Variants in NPTN observed in about 807,000 individuals in gnomAD.
NPTN encodes neuroplastin.
NPTN carries 5 observed loss-of-function variants against 42.7 expected under a neutral mutation model. That is an observed-to-expected ratio of 0.12 (90% CI 0.06 to 0.25). The LOEUF is 0.25. Ranked by LOEUF, NPTN falls within the 10% of genes least tolerant of loss-of-function variation. NPTN has a pLI of 1.00. For missense variants in NPTN, 307 were observed against 525.4 expected (o/e 0.58, Z 4.06); for synonymous variants, 180 against 201.9 (o/e 0.89, Z 0.92).
Position 73,561,962 on chromosome 15 carries a change from T to C in NPTN, c.1145A>G (p.Asn382Ser), listed in dbSNP as rs1428826072. ...DDEPAGPMKT[N>S]STNNHKDKNL... ...TTTATCTTTGTGATTGTTGGTAGAGTTGGTTTTCCTTTGGAGGAAAAATTG... is the reference window on the plus strand; with the variant it reads ...TTTATCTTTGTGATTGTTGGTAGAGCTGGTTTTCCTTTGGAGGAAAAATTG... The change falls in exon 8 of 9, where the codon AAC becomes AGC. Residue 382 changes from asparagine (N) to serine (S), a missense_variant. Transcript: ENST00000345330. The C allele has an allele frequency of 1.9e-6, 3 of 1,594,614 alleles. No individual in the cohort carries two copies. Among genetic ancestry groups the C allele is most frequent in the South Asian group, 1.1e-5 (1 of 86,978 alleles).
chr15:73,598,242 T>C (rs1480928680), intron 1 of NPTN, among the ~76,000 whole-genome samples: 1 of 152,110 alleles, frequency 6.6e-6, no homozygotes, highest in African/African-American at 2.4e-5. Context: ...TCTGAAAAGC[T>C]ATGGTATTTG....
At chr15:73,632,196 C>A (rs1215591032) in intron 1 of NPTN, among the ~76,000 whole-genome samples, 1 of 152,040 alleles carries the variant, frequency 6.6e-6, no homozygotes, top group Non-Finnish European at 1.5e-5. Context: ...ATCCTCCACA[C>A]TGCAAACCAA....
intron 1 of NPTN, among the ~76,000 whole-genome samples, chr15:73,601,418 A>C (rs1897080221): frequency 6.6e-6 from 1 of 152,236 alleles, no homozygotes; most frequent in Non-Finnish European, 1.5e-5. Flanking sequence ...GAAAGTTATT[A>C]GCAACCATCC....
At chr15:73,612,321 A>G (rs1897622072) in intron 1 of NPTN, among the ~76,000 whole-genome samples, 1 of 151,912 alleles carries the variant, frequency 6.6e-6, no homozygotes, top group Non-Finnish European at 1.5e-5. Flanking sequence ...TCAAGAGGCT[A>G]AGGTGGAGGA....
intron 1 of NPTN, among the ~76,000 whole-genome samples, chr15:73,620,240 G>A (rs770568587): frequency 6.6e-6 from 1 of 152,174 alleles, no homozygotes; most frequent in Non-Finnish European, 1.5e-5. Flanking sequence ...CTGCTTTAAT[G>A]CATGTCAACA....
At chr15:73,618,354 C>T (rs1468194375) in intron 1 of NPTN, among the ~76,000 whole-genome samples, 1 of 152,160 alleles carries the variant, frequency 6.6e-6, no homozygotes, top group Non-Finnish European at 1.5e-5. Flanking sequence ...TACCCACTCA[C>T]AATATGGAAA....
intron 1 of NPTN, among the ~76,000 whole-genome samples, chr15:73,605,741 AG>A (rs1897275905): frequency 6.8e-6 from 1 of 147,886 alleles, no homozygotes; most frequent in African/African-American, 2.4e-5. Context: ...AAAAAAAAAA[AG>A]AATTGGAAAA....
intron 5 of NPTN, among the ~76,000 whole-genome samples, chr15:73,571,923 A>G (rs992892264): frequency 6.6e-6 from 1 of 152,198 alleles, no homozygotes; most frequent in African/African-American, 2.4e-5. Context: ...TAAAACACAT[A>G]CTGCGTTAAT....
chr15:73,572,867 A>T (rs564483932), intron 5 of NPTN, among the ~76,000 whole-genome samples: 1 of 152,218 alleles, frequency 6.6e-6, no homozygotes, highest in East Asian at 1.9e-4. Flanking sequence ...CCAGTGTTGG[A>T]GGAGGGGCCT....
chr15:73,575,098 C>T (rs1222563452), intron 4 of NPTN, among the ~76,000 whole-genome samples: 1 of 152,236 alleles, frequency 6.6e-6, no homozygotes, highest in Non-Finnish European at 1.5e-5. Context: ...ATTCTCCTGC[C>T]TCAGCCTCCT....
intron 7 of NPTN, among the ~76,000 whole-genome samples, chr15:73,562,776 T>C (rs150414944): frequency 1.2e-4 from 19 of 152,258 alleles, no homozygotes; most frequent in African/African-American, 4.6e-4. Context: ...CACATGGAAA[T>C]ACAGGGACCC....
intron 1 of NPTN, among the ~76,000 whole-genome samples, chr15:73,604,972 C>A (rs966389627): frequency 1.3e-5 from 2 of 151,942 alleles, no homozygotes; most frequent in Non-Finnish European, 1.5e-5. Context: ...GTGGTATGCA[C>A]CTCTAGTCCC....
At chr15:73,583,175 G>A (rs767868955) in intron 4 of NPTN, among the ~76,000 whole-genome samples, 36 of 152,210 alleles carry the variant, frequency 2.4e-4, no homozygotes, top group Non-Finnish European at 4.9e-4. Flanking sequence ...TGCACTTGAG[G>A]AAGCTGAGAC....
chr15:73,629,741 C>T (rs974116355), intron 1 of NPTN, among the ~76,000 whole-genome samples: 6 of 151,898 alleles, frequency 4.0e-5, no homozygotes, highest in African/African-American at 1.5e-4. Flanking sequence ...TATAACACTC[C>T]CACTGTGTGC....
chr15:73,573,859 A>G, intron 4 of NPTN, 64 bp from the exon 5 acceptor site: 1 of 1,578,472 alleles, frequency 6.3e-7, no homozygotes, highest in Non-Finnish European at 8.6e-7. Context: ...CAAAGGCCCC[A>G]CCTTCTGGCT....
At chr15:73,587,736 C>T in intron 3 of NPTN, 118 bp from the exon 4 acceptor site, 1 of 703,692 alleles carries the variant, frequency 1.4e-6, no homozygotes, top group Non-Finnish European at 2.5e-6. Context: ...ATGCAACTCA[C>T]CTCCTTCTAA....
At chr15:73,620,613 G>C (rs1342159320) in intron 1 of NPTN, among the ~76,000 whole-genome samples, 5 of 152,114 alleles carry the variant, frequency 3.3e-5, no homozygotes, top group Non-Finnish European at 7.4e-5. Context: ...CTTGTTCTGA[G>C]CCCAGAACCC....
intron 1 of NPTN, among the ~76,000 whole-genome samples, 168 bp downstream of exon 1, chr15:73,632,957 G>A (rs1338043085): frequency 6.6e-6 from 1 of 152,062 alleles, no homozygotes; most frequent in East Asian, 1.9e-4. Context: ...CCTCACACCC[G>A]CGCCTCCTCA....
At chr15:73,620,875 G>C (rs1454646005) in intron 1 of NPTN, among the ~76,000 whole-genome samples, 2 of 151,992 alleles carry the variant, frequency 1.3e-5, no homozygotes, top group African/African-American at 4.8e-5. Context: ...ATAAACAATG[G>C]GCTACTTCAA....
Sources: gnomAD v4.1 joint callset for allele counts (sites outside exome capture counted in the v4.1 genomes callset) on GRCh38, gnomAD v4.1.1 for gene constraint, MANE v1.5 for transcripts, NCBI Gene and HGNC (gene_info 2026-07-23, HGNC 2026-07-21) for gene names.